Variants in GRID1 observed in about 807,000 individuals in gnomAD.
The protein encoded by GRID1 is glutamate receptor ionotropic, delta-1.
In GRID1, 28 loss-of-function variants were observed where a neutral mutation model predicts 98.0. The ratio of observed to expected loss-of-function variants is 0.29; its 90% confidence interval spans 0.21 to 0.39. The LOEUF (loss-of-function observed/expected upper bound fraction) is 0.39, where lower values mean the gene tolerates loss of function less well. Among genes scored for constraint, GRID1 ranks in the 10% least tolerant of loss-of-function variants. The probability of loss-of-function intolerance (pLI) is 1.00; values close to 1 mark genes in which losing one functional copy is unlikely to be tolerated. For synonymous variants in GRID1, 553 were observed against 538.5 expected, an observed-to-expected ratio of 1.03 and a Z score of -0.37; for missense variants, 1,111 against 1,340.5, an observed-to-expected ratio of 0.83 and a Z score of 2.67.
Position 86,262,395 on chromosome 10 carries a change from C to T in GRID1, c.236-55747G>A, listed in dbSNP as rs140923228. On this transcript the variant is annotated intron_variant, in intron 2 of 15. Transcript: ENST00000327946. The stretch of plus-strand genomic sequence containing the variant: ...CCCAGGAAGGGAGGCTTTATTCCCC[C>T]ACCCACCTCGAAGAGCTTGCGTCCT... 2.2e-3 allele frequency among the ~76,000 whole-genome samples: 341 copies of T among 152,332 alleles called. 2 individuals carry two copies. The highest frequency in any genetic ancestry group is 0.016 in the South Asian group (77 of 4,828).
chr10:85,850,185 G>A (rs1195282893), intron 8 of GRID1, among the ~76,000 whole-genome samples: 4 of 152,154 alleles, frequency 2.6e-5, no homozygotes, highest in Admixed American at 1.3e-4. Flanking sequence ...CTGCACAAGG[G>A]ACCCGGAGAT....
intron 8 of GRID1, among the ~76,000 whole-genome samples, chr10:85,811,672 A>C (rs1842673020): frequency 6.6e-6 from 1 of 152,202 alleles, no homozygotes; most frequent in South Asian, 2.1e-4. Context: ...AAAAAGAGAA[A>C]GAACAAATAA....
At chr10:85,697,279 C>T (rs1841404710) in intron 12 of GRID1, among the ~76,000 whole-genome samples, 2 of 133,574 alleles carry the variant, frequency 1.5e-5, no homozygotes, top group Non-Finnish European at 3.2e-5. Context: ...CAGATTTTAC[C>T]TCATAAACTT....
chr10:85,671,794 C>T (rs919473728), intron 12 of GRID1, among the ~76,000 whole-genome samples: 2 of 152,164 alleles, frequency 1.3e-5, no homozygotes, highest in Non-Finnish European at 2.9e-5. Context: ...AAAAGTGAAA[C>T]TCCAGTGAAC....
intron 6 of GRID1, among the ~76,000 whole-genome samples, chr10:85,866,619 G>A (rs1843224211): frequency 6.6e-6 from 1 of 152,002 alleles, no homozygotes; most frequent in Non-Finnish European, 1.5e-5. Flanking sequence ...TCATATTAGA[G>A]ATACTCAACT....
intron 5 of GRID1, among the ~76,000 whole-genome samples, chr10:85,881,406 G>A (rs1361703441): frequency 6.6e-6 from 1 of 152,138 alleles, no homozygotes; most frequent in African/African-American, 2.4e-5. Flanking sequence ...AAACAGCATG[G>A]TACTGGTACC....
chr10:86,340,848 C>G (rs1431274624), intron 2 of GRID1, among the ~76,000 whole-genome samples: 1 of 152,116 alleles, frequency 6.6e-6, no homozygotes, highest in Non-Finnish European at 1.5e-5. Context: ...GGACAAACAC[C>G]TGGAGGGTGT....
chr10:85,647,506 C>T, intron 12 of GRID1, 109 bp from the exon 13 acceptor site: 1 of 808,972 alleles, frequency 1.2e-6, no homozygotes, highest in Admixed American at 2.1e-5. Flanking sequence ...GCATGGCCCA[C>T]TATCCACATT....
chr10:86,247,850 C>T (rs1846756634), intron 2 of GRID1, among the ~76,000 whole-genome samples: 1 of 152,154 alleles, frequency 6.6e-6, no homozygotes, highest in South Asian at 2.1e-4. Context: ...GGCATAGGCA[C>T]AGAGCCCAGG....
chr10:85,769,778 G>T (rs369647723), intron 8 of GRID1, among the ~76,000 whole-genome samples: 1 of 152,200 alleles, frequency 6.6e-6, no homozygotes, highest in African/African-American at 2.4e-5. Flanking sequence ...GGGGAGGGGC[G>T]CCTGCCATTG....
intron 4 of GRID1, among the ~76,000 whole-genome samples, chr10:86,110,859 C>G (rs1191218448): frequency 6.6e-6 from 1 of 152,234 alleles, no homozygotes; most frequent in African/African-American, 2.4e-5. Context: ...GATTCATGTG[C>G]TTATTCAGTA....
At chr10:85,642,016 C>T (rs1035136073) in intron 13 of GRID1, among the ~76,000 whole-genome samples, 1 of 152,140 alleles carries the variant, frequency 6.6e-6, no homozygotes, top group Non-Finnish European at 1.5e-5. Flanking sequence ...ACTAATGGTG[C>T]CTGTGTGCTA....
chr10:86,365,065 G>C lies in GRID1; in HGVS notation c.80-969C>G, dbSNP rs796413015. Among the ~76,000 whole-genome samples the C allele has an allele frequency of 8.5e-5, 13 of 152,300 alleles. No homozygotes were observed. The highest frequency in any genetic ancestry group is 2.9e-4 in the African/African-American group (12 of 41,574). ...GGAGCTAGGCCCAGTGATCCCTCGA[G>C]CTGGGGGCTGGGTAGGAGGAGGGAG... On this transcript the variant is annotated intron_variant, in intron 1 of 15. Transcript: ENST00000327946. This position sits in a 1 kb window ranked among gnomAD's most constrained non-coding sequence, Gnocchi z 4.8.
chr10:86,285,910 A>G (rs770257526), intron 2 of GRID1, among the ~76,000 whole-genome samples: 9 of 152,232 alleles, frequency 5.9e-5, no homozygotes, highest in Non-Finnish European at 1.2e-4. Context: ...CCTGCTGTAC[A>G]TTGTTTTGCT....
chr10:85,761,155 T>G (rs984251823), intron 8 of GRID1, among the ~76,000 whole-genome samples: 3 of 152,214 alleles, frequency 2.0e-5, no homozygotes, highest in African/African-American at 7.2e-5. Context: ...CCATGCACTA[T>G]TTCAATTTTT....
intron 2 of GRID1, among the ~76,000 whole-genome samples, chr10:86,238,577 G>A (rs974113494): frequency 9.9e-5 from 15 of 151,424 alleles, no homozygotes; most frequent in African/African-American, 3.7e-4. Context: ...GGCTGAGGCA[G>A]GAGAATCACT....
At chr10:86,301,179 G>A (rs949837526) in intron 2 of GRID1, among the ~76,000 whole-genome samples, 3 of 152,204 alleles carry the variant, frequency 2.0e-5, no homozygotes, top group Non-Finnish European at 4.4e-5. Flanking sequence ...GGCTCACCAC[G>A]AGGACCAAGC....
rs536498430 is a variant in GRID1, at chr10:86,003,622, C to T, written c.727-87383G>A. Among the ~76,000 whole-genome samples the T allele has an allele frequency of 3.3e-5, 5 of 152,250 alleles. No homozygotes were observed. The South Asian group carries it at 6.2e-4, about 19-fold the overall frequency. ...CCCATATTCACCCAGCCCAAGTACG[C>T]GAGGAGGCTGCCATCAGCAGACACC... On this transcript the variant is annotated intron_variant, in intron 4 of 15. Transcript: ENST00000327946.
At chr10:85,650,281 C>T (rs560821509) in intron 12 of GRID1, 5 of 152,234 alleles carry the variant, frequency 3.3e-5, no homozygotes, top group African/African-American at 4.8e-5. Flanking sequence ...GTGAGGGAGG[C>T]TTCACCAGGA....
Sources: allele counts gnomAD v4.1 joint callset (sites outside exome capture counted in the v4.1 genomes callset), GRCh38; gene constraint gnomAD v4.1.1; non-coding constraint Gnocchi (gnomAD v3.1); transcripts MANE v1.5; gene names NCBI Gene and HGNC (gene_info 2026-07-23, HGNC 2026-07-21).